PAN3: variants seen among roughly 807,000 people sequenced by gnomAD.
PAN3 encodes poly(A) specific ribonuclease subunit PAN3, also known as PAN2-PAN3 deadenylation complex subunit PAN3.
PAN3 carries 19 observed loss-of-function variants against 96.2 expected under a neutral mutation model. The ratio of observed to expected loss-of-function variants is 0.20; its 90% CI spans 0.14 to 0.29. The LOEUF is 0.29. Among genes scored for constraint, PAN3 ranks in the 10% least tolerant of loss-of-function variants. The pLI is 1.00. For missense variants in PAN3, 882 were observed against 1,108.1 expected, an observed-to-expected ratio of 0.80 and a Z score of 2.90; for synonymous variants, 433 against 406.6, an observed-to-expected ratio of 1.06 and a Z score of -0.78.
chr13:28,281,027 A>G (rs1043591547), intron 16 of PAN3, among the ~76,000 whole-genome samples: 2 of 152,322 alleles, frequency 1.3e-5, no homozygotes, highest in African/African-American at 4.8e-5. Flanking sequence ...TCTGGACAAC[A>G]CTGTTCTTTT....
chr13:28,289,863 T>C (rs1383158100), intron 18 of PAN3, among the ~76,000 whole-genome samples: 5 of 151,558 alleles, frequency 3.3e-5, no homozygotes, highest in Admixed American at 6.6e-5. Context: ...GTCTGGCCGA[T>C]AGAGCGAGAC....
intron 1 of PAN3, among the ~76,000 whole-genome samples, chr13:28,171,479 G>A (rs554341748): frequency 3.3e-5 from 5 of 152,290 alleles, no homozygotes; most frequent in African/African-American, 9.6e-5. Flanking sequence ...ACATGTAGCG[G>A]GTCCTCAGAT....
chr13:28,258,041 A>G (rs1885361492), intron 7 of PAN3, among the ~76,000 whole-genome samples: 1 of 151,846 alleles, frequency 6.6e-6, no homozygotes, highest in African/African-American at 2.4e-5. Flanking sequence ...CTGATCTCAA[A>G]TTCTTGACCT....
At chr13:28,197,820 G>A (rs953919830) in intron 5 of PAN3, among the ~76,000 whole-genome samples, 1 of 151,848 alleles carries the variant, frequency 6.6e-6, no homozygotes, top group Non-Finnish European at 1.5e-5. Flanking sequence ...TCTCTGCCTT[G>A]GCCTCACAAA....
intron 1 of PAN3, among the ~76,000 whole-genome samples, chr13:28,156,734 C>T (rs1872217564): frequency 6.6e-6 from 1 of 152,120 alleles, no homozygotes. Flanking sequence ...TAGCTTAGGC[C>T]TGTAGTCTCA....
Position 28,144,182 on chromosome 13 carries a change from G to A in PAN3, c.430+5095G>A, listed in dbSNP as rs541556910. Among the ~76,000 whole-genome samples the A allele has an allele frequency of 2.0e-5, 3 of 150,316 alleles. No homozygotes were observed. In the South Asian group the frequency reaches 6.3e-4, roughly 32 times the overall value. On this transcript the variant is annotated intron_variant, in intron 1 of 18. Coordinates refer to ENST00000380958, the MANE Select transcript of PAN3 (RefSeq NM_175854.8). ...CTAGTGGGGCTATAAATATCTATAAGGTAATACTTGGTTTCGATAAGTTTT... is the reference window on the plus strand; with the variant it reads ...CTAGTGGGGCTATAAATATCTATAAAGTAATACTTGGTTTCGATAAGTTTT...
chr13:28,198,183 G>C (rs970732650), intron 5 of PAN3, among the ~76,000 whole-genome samples: 1 of 152,100 alleles, frequency 6.6e-6, no homozygotes, highest in African/African-American at 2.4e-5. Context: ...CTACTCGAGA[G>C]GCTGAGGCAG....
chr13:28,219,427 C>G (rs1308812413), intron 5 of PAN3, among the ~76,000 whole-genome samples: 1 of 151,784 alleles, frequency 6.6e-6, no homozygotes, highest in African/African-American at 2.4e-5. Context: ...GAACTCTTAA[C>G]TCATTCAAAT....
At chr13:28,215,888 G>T in intron 5 of PAN3, 1 of 1,334,708 alleles carries the variant, frequency 7.5e-7, no homozygotes. Flanking sequence ...AATCTCAGAA[G>T]GCTAAATGAA....
chr13:28,162,932 G>C (rs1183461789), intron 1 of PAN3, among the ~76,000 whole-genome samples: 1 of 151,944 alleles, frequency 6.6e-6, no homozygotes, highest in Non-Finnish European at 1.5e-5. Context: ...TGAAAGGTGT[G>C]CATAATTACA....
At chr13:28,259,799 C>T (rs116686639) in intron 7 of PAN3, among the ~76,000 whole-genome samples, 2,966 of 151,858 alleles carry the variant, frequency 0.02, 105 homozygotes, top group African/African-American at 0.067. Context: ...CCACCATGCC[C>T]CACTAATTTT....
At chr13:28,187,917 C>T (rs1193216123) in intron 4 of PAN3, among the ~76,000 whole-genome samples, 1 of 152,142 alleles carries the variant, frequency 6.6e-6, no homozygotes, top group Non-Finnish European at 1.5e-5. Context: ...TGGTCTTGAA[C>T]TCCTGGTCTC....
At chr13:28,180,930 T>G (rs1875690723) in intron 4 of PAN3, among the ~76,000 whole-genome samples, 1 of 152,080 alleles carries the variant, frequency 6.6e-6, no homozygotes, top group Non-Finnish European at 1.5e-5. Flanking sequence ...CTCAGCAGCA[T>G]ATTAATTAGT....
intron 1 of PAN3, among the ~76,000 whole-genome samples, chr13:28,171,327 T>C (rs1053973425): frequency 1.2e-4 from 19 of 152,292 alleles, no homozygotes; most frequent in African/African-American, 3.1e-4. Context: ...GGAGTTTTTT[T>C]CCCACACCAG....
At position 28,197,353 on chromosome 13, in the gene PAN3, A is replaced by G. The variant is rs1243967667; in HGVS notation, c.852+7A>G. On this transcript the variant is annotated splice_region_variant and intron_variant, in intron 5 of 18. Transcript: ENST00000380958. ...CACAGAAAACAATTTACAGGTAAAA[A>G]TAATTTTTATTAGACATTTCTTGAA... 1 of 1,569,568 alleles carries G rather than the reference A, an allele frequency of 6.4e-7. No individual in the cohort carries two copies. The highest frequency in any genetic ancestry group is 8.6e-7 in the Non-Finnish European group (1 of 1,156,150).
At chr13:28,236,170 T>G (rs1282917122) in intron 6 of PAN3, among the ~76,000 whole-genome samples, 1 of 152,208 alleles carries the variant, frequency 6.6e-6, no homozygotes, top group Non-Finnish European at 1.5e-5. Context: ...TAATGAGCTT[T>G]ATGGTAGAAT....
Position 28,174,353 on chromosome 13 carries a change from G to C in PAN3, c.512G>C (p.Gly171Ala). The C allele has an allele frequency of 1.2e-6, 2 of 1,613,224 alleles. No individual in the cohort carries two copies. The highest frequency in any genetic ancestry group is 1.3e-5 in the African/African-American group (1 of 75,014). ...AGCACCAGCTTTATTGGAGTCAATG[G>C]ATTTGGAAGCCCTGTAGAAACAAAA... ...YFSTSFIGVN[G>A]FGSPVETKYP... Residue 171 changes from glycine (G) to alanine (A), a missense_variant, in exon 2 of 19, where the codon GGA (glycine) becomes GCA (alanine). By Grantham distance (60) the Gly-to-Ala change is moderately conservative. This residue lies in a region of PAN3 where 442 missense variants were observed against 422.8 expected (regional missense o/e 1.05). Coordinates refer to ENST00000380958, the MANE Select transcript of PAN3 (RefSeq NM_175854.8).
At chr13:28,244,912 G>C (rs891967072) in intron 6 of PAN3, among the ~76,000 whole-genome samples, 1 of 151,868 alleles carries the variant, frequency 6.6e-6, no homozygotes, top group African/African-American at 2.4e-5. Context: ...GCAGTGGCGC[G>C]ATCTTGGCTC....
At chr13:28,204,251 C>A (rs1879091939) in intron 5 of PAN3, among the ~76,000 whole-genome samples, 1 of 152,184 alleles carries the variant, frequency 6.6e-6, no homozygotes, top group African/African-American at 2.4e-5. Flanking sequence ...TTAGTCTTTG[C>A]CCAGGATGTT....
Sources: allele counts gnomAD v4.1 joint callset (sites outside exome capture counted in the v4.1 genomes callset), GRCh38; gene constraint gnomAD v4.1.1; regional missense constraint gnomAD v4.1.1; transcripts MANE v1.5; gene names NCBI Gene and HGNC (gene_info 2026-07-23, HGNC 2026-07-21).